PSMD5: variants seen among roughly 807,000 people sequenced by gnomAD.
The protein encoded by PSMD5 is 26S proteasome non-ATPase regulatory subunit 5.
A neutral mutation model predicts 52.1 loss-of-function variants in PSMD5; 40 were observed. The ratio of observed to expected loss-of-function variants is 0.77; its 90% CI spans 0.60 to 1.00. PSMD5 has a LOEUF of 1.00. PSMD5 is among the 50% of genes least tolerant of loss of function. The pLI is 0.00. For missense variants in PSMD5, 575 were observed against 605.2 expected, an observed-to-expected ratio of 0.95 and a Z score of 0.52; for synonymous variants, 211 against 226.6, an observed-to-expected ratio of 0.93 and a Z score of 0.62.
chr9:120,817,871 C>A lies in PSMD5; in HGVS notation c.*35G>T. The A allele has an allele frequency of 1.3e-6, 2 of 1,568,724 alleles. No homozygotes were observed. The highest frequency in any genetic ancestry group is 2.3e-5 in the South Asian group (2 of 85,702). ...CAAATGCCTTAGGAGAAGTTTTGGT[C>A]AAAACGTGGTCCTCTACATGAGCTC... On this transcript the variant is annotated 3_prime_UTR_variant, in exon 10 of 10. Coordinates refer to ENST00000210313, the MANE Select transcript of PSMD5 (RefSeq NM_005047.4).
intron 1 of PSMD5, 184 bp downstream of exon 1, chr9:120,842,552 TC>T: frequency 1.4e-6 from 1 of 704,436 alleles, no homozygotes; most frequent in Non-Finnish European, 2.3e-6. Context: ...CCTGGGGCAC[TC>T]TCAGAGGCTG....
At position 120,818,172 on chromosome 9, in the gene PSMD5, G is replaced by A. The variant is rs778051967; in HGVS notation, c.1258-9C>T. The A allele has an allele frequency of 2.5e-6, 4 of 1,607,502 alleles. No homozygotes were observed. In the Admixed American group the frequency reaches 6.7e-5, roughly 27 times the overall value. On this transcript the variant is annotated splice_polypyrimidine_tract_variant and intron_variant, in intron 9 of 9. Coordinates refer to ENST00000210313, the MANE Select transcript of PSMD5 (RefSeq NM_005047.4). ...GGTTGGTTTGCAATGGCCTGAAATG[G>A]AAGGCAGAAAGAATACAATTCCCCT...
chr9:120,839,418 G>C (rs2045218609), intron 1 of PSMD5, among the ~76,000 whole-genome samples: 1 of 152,190 alleles, frequency 6.6e-6, no homozygotes, highest in Non-Finnish European at 1.5e-5. Flanking sequence ...GCTAGAAAAG[G>C]AATTTCAGAG....
intron 5 of PSMD5, 53 bp from the exon 6 acceptor site, chr9:120,826,960 T>G (rs1398561517): frequency 3.0e-5 from 45 of 1,520,162 alleles, no homozygotes; most frequent in Non-Finnish European, 3.2e-5. Context: ...ATTTGCATAG[T>G]TTATAAATTG....
At chr9:120,838,153 C>A (rs2045210773) in intron 1 of PSMD5, among the ~76,000 whole-genome samples, 1 of 152,134 alleles carries the variant, frequency 6.6e-6, no homozygotes, top group Non-Finnish European at 1.5e-5. Context: ...ATGAGGGAGC[C>A]TCTGGGAGTG....
At chr9:120,834,197 A>G (rs781139711) in intron 1 of PSMD5, among the ~76,000 whole-genome samples, 12 of 151,082 alleles carry the variant, frequency 7.9e-5, no homozygotes, top group South Asian at 2.1e-4. Flanking sequence ...AGCCATGATG[A>G]TCTCGATCTC....
intron 4 of PSMD5, among the ~76,000 whole-genome samples, chr9:120,830,820 C>G (rs979086915): frequency 2.0e-5 from 3 of 151,976 alleles, no homozygotes; most frequent in African/African-American, 4.8e-5. Context: ...TTTCTTATTA[C>G]TACTACAAAT....
intron 9 of PSMD5, among the ~76,000 whole-genome samples, chr9:120,819,951 C>T (rs554508678): frequency 6.6e-6 from 1 of 152,318 alleles, no homozygotes; most frequent in Non-Finnish European, 1.5e-5. Context: ...TCCTTATTCC[C>T]TCCCAGTCTA....
intron 1 of PSMD5, among the ~76,000 whole-genome samples, chr9:120,839,746 T>C (rs2045220616): frequency 6.6e-6 from 1 of 152,032 alleles, no homozygotes; most frequent in Non-Finnish European, 1.5e-5. Context: ...GTGGTTTTTT[T>C]TTCCTTTTTT....
At chr9:120,839,259 G>C (rs917649203) in intron 1 of PSMD5, among the ~76,000 whole-genome samples, 1 of 152,254 alleles carries the variant, frequency 6.6e-6, no homozygotes, top group Middle Eastern at 3.4e-3. Context: ...GGAAAAGTAG[G>C]ATGGAAATAT....
chr9:120,837,386 GCTCT>G (rs1230248694), intron 1 of PSMD5, among the ~76,000 whole-genome samples: 3 of 152,016 alleles, frequency 2.0e-5, no homozygotes, highest in African/African-American at 4.8e-5. Flanking sequence ...TTTTAGACAA[GCTCT>G]CTCTGTCACC....
intron 1 of PSMD5, among the ~76,000 whole-genome samples, chr9:120,834,511 C>T (rs1313605757): frequency 6.6e-6 from 1 of 152,060 alleles, no homozygotes; most frequent in Non-Finnish European, 1.5e-5. Context: ...AGTAGCAGCA[C>T]ATGAAAAGGC....
Position 120,842,764 on chromosome 9 carries a change from A to T in PSMD5, c.146T>A (p.Leu49His), listed in dbSNP as rs1249635304. Reference protein sequence around the residue: ...QQAAELRLGPLFSLLNENHRE... With the variant: ...QQAAELRLGPHFSLLNENHRE... ...ATGGTTCTCGTTAAGCAGGGAGAAG[A>T]GCGGGCCGAGGCGCAGCTCCGCCGC... Residue 49 changes from leucine (L) to histidine (H), a missense_variant, in exon 1 of 10, where the codon CTC becomes CAC. Leu to His is a moderately conservative substitution (Grantham distance 99). Coordinates refer to ENST00000210313, the MANE Select transcript of PSMD5 (RefSeq NM_005047.4). The T allele has an allele frequency of 6.2e-7, 1 of 1,613,264 alleles. No individual in the cohort carries two copies. Among genetic ancestry groups the T allele is most frequent in the East Asian group, 2.2e-5 (1 of 44,878 alleles).
intron 7 of PSMD5, among the ~76,000 whole-genome samples, chr9:120,823,309 T>C (rs2045099211): frequency 7.0e-6 from 1 of 142,406 alleles, no homozygotes; most frequent in Non-Finnish European, 1.5e-5. Flanking sequence ...CCTGTGTTCA[T>C]GCCATTCTCC....
intron 8 of PSMD5, 85 bp downstream of exon 8, chr9:120,821,270 T>A: frequency 2.1e-6 from 2 of 946,514 alleles, no homozygotes; most frequent in Non-Finnish European, 3.2e-6. Context: ...TTGTATTTAC[T>A]TCATCACATT....
intron 3 of PSMD5, 87 bp downstream of exon 3, chr9:120,831,745 T>C: frequency 6.6e-7 from 1 of 1,521,956 alleles, no homozygotes; most frequent in Non-Finnish European, 8.8e-7. Context: ...ATTCTAAACC[T>C]TCACCTCTCA....
Position 120,829,164 on chromosome 9 carries a change from G to A in PSMD5, c.606C>T (p.Tyr202=), listed in dbSNP as rs753493438. ...ISSVSPESLN[Y]CTTSGLVTQL... The stretch of plus-strand genomic sequence containing the variant: ...GGGTTACCAATCCACTTGTGGTACA[G>A]TAGTTTAAAGATTCTGGTGACACGG... The change falls in exon 5 of 10, where the codon TAC becomes TAT. Residue 202 remains tyrosine, a synonymous_variant. Transcript: ENST00000210313. 14 of 1,605,484 alleles carry A rather than the reference G, an allele frequency of 8.7e-6. No individual in the cohort carries two copies. The East Asian group carries it at 3.1e-4, about 36-fold the overall frequency.
In PSMD5 at chr9:120,817,088, AAAAC is replaced by A. The variant is rs2045048029; in HGVS notation, c.*814_*817del. On this transcript the variant is annotated 3_prime_UTR_variant, in exon 10 of 10. Coordinates refer to ENST00000210313, the MANE Select transcript of PSMD5 (RefSeq NM_005047.4). ...TTTTCAAAGGAATAATAGTAACAAA[AAAAC>A]AAGAGAGCTCATAAAAAGTATTCTG... is the stretch of plus-strand genomic sequence containing the variant. The A allele has an allele frequency of 6.6e-6, 1 of 152,230 alleles. No individual in the cohort carries two copies. The highest frequency in any genetic ancestry group is 2.1e-4 in the South Asian group (1 of 4,828). The allele number at this position is 152,230 out of a possible 1,614,324, so 9.4% of individuals were successfully genotyped here.
chr9:120,840,595 G>A (rs2416801), intron 1 of PSMD5, among the ~76,000 whole-genome samples: 4 of 149,088 alleles, frequency 2.7e-5, no homozygotes, highest in East Asian at 3.9e-4. Context: ...ACAGGTGTGC[G>A]CTACCAAGCC....
Sources: gnomAD v4.1 joint callset for allele counts (sites outside exome capture counted in the v4.1 genomes callset) on GRCh38, gnomAD v4.1.1 for gene constraint, MANE v1.5 for transcripts, NCBI Gene and HGNC (gene_info 2026-07-23, HGNC 2026-07-21) for gene names.